ZNF69: variants seen among roughly 807,000 people sequenced by gnomAD.
ZNF69 encodes ZNF3.
Under a neutral mutation model 50.9 loss-of-function variants are expected in ZNF69, and 47 were observed. The ratio of observed to expected loss-of-function variants is 0.92; its 90% CI spans 0.73 to 1.18. The LOEUF (loss-of-function observed/expected upper bound fraction) is 1.18. ZNF69 is among the 50% of genes most tolerant of loss of function. ZNF69 has a pLI of 0.00. For synonymous variants in ZNF69, 216 were observed against 223.1 expected, an observed-to-expected ratio of 0.97 and a Z score of 0.29; for missense variants, 717 against 675.1, an observed-to-expected ratio of 1.06 and a Z score of -0.69.
chr19:11,941,400 A>G, the ZNF69 span, among the ~76,000 whole-genome samples: 1 of 152,164 alleles, frequency 6.6e-6, no homozygotes, highest in Non-Finnish European at 1.5e-5. Flanking sequence ...AGGAGGTGGG[A>G]GACTCAGGCA....
chr19:11,919,846 A>G, the ZNF69 span, among the ~76,000 whole-genome samples: 1 of 152,172 alleles, frequency 6.6e-6, no homozygotes, highest in African/African-American at 2.4e-5. Context: ...CAGAACTGTG[A>G]GAAAAAAATT....
chr19:11,974,803 A>G, the ZNF69 span, among the ~76,000 whole-genome samples: 79 of 152,182 alleles, frequency 5.2e-4, no homozygotes, highest in East Asian at 8.7e-3. Context: ...GAGTTACACC[A>G]TGTTGGCCAG....
chr19:11,925,799 T>G, the ZNF69 span, among the ~76,000 whole-genome samples: 11 of 152,198 alleles, frequency 7.2e-5, no homozygotes, highest in African/African-American at 1.2e-4. Context: ...ATAAAGAAGT[T>G]TATTCAGAGC....
At chr19:11,960,983 A>T in the ZNF69 span, among the ~76,000 whole-genome samples, 18 of 152,224 alleles carry the variant, frequency 1.2e-4, no homozygotes, top group South Asian at 3.5e-3. Context: ...CTCTCCTCGA[A>T]ATATATACTT....
downstream of ZNF69, among the ~76,000 whole-genome samples, chr19:11,909,075 A>T (rs1016078345): frequency 1.3e-5 from 2 of 152,238 alleles, no homozygotes; most frequent in Non-Finnish European, 1.5e-5. Context: ...AATCTAGAAG[A>T]AATGGATAAA....
the ZNF69 span, among the ~76,000 whole-genome samples, chr19:11,969,798 A>G: frequency 6.6e-6 from 1 of 152,164 alleles, no homozygotes; most frequent in Admixed American, 6.5e-5. Context: ...TGCCTGAAAA[A>G]TCCTTTCTGC....
chr19:11,912,030 G>A (rs1972465783), intron 4 of ZNF69, among the ~76,000 whole-genome samples: 1 of 152,118 alleles, frequency 6.6e-6, no homozygotes, highest in African/African-American at 2.4e-5. Context: ...GAAACCCTAT[G>A]AGTGTAAGCA....
chr19:11,925,821 G>C, the ZNF69 span, among the ~76,000 whole-genome samples: 2 of 152,022 alleles, frequency 1.3e-5, no homozygotes, highest in Admixed American at 1.3e-4. Flanking sequence ...GAATAGGAGA[G>C]ACCTTGGCCG....
chr19:11,963,088 A>AGAGT, the ZNF69 span, among the ~76,000 whole-genome samples: 2 of 138,248 alleles, frequency 1.4e-5, no homozygotes, highest in East Asian at 2.0e-4. Context: ...AGAGAGAGAG[A>AGAGT]GTGTGTGTGT....
the ZNF69 span, among the ~76,000 whole-genome samples, chr19:11,962,482 TC>T: frequency 6.6e-6 from 1 of 152,114 alleles, no homozygotes; most frequent in African/African-American, 2.4e-5. Context: ...TGCCTTAGCC[TC>T]CCAAGTAGCT....
the ZNF69 span, among the ~76,000 whole-genome samples, chr19:11,925,825 T>G: frequency 6.6e-6 from 1 of 152,006 alleles, no homozygotes; most frequent in Admixed American, 6.5e-5. Context: ...AGGAGAGACC[T>G]TGGCCGAGGG....
chr19:11,907,853 C>G (rs1972402187), downstream of ZNF69, among the ~76,000 whole-genome samples: 2 of 152,130 alleles, frequency 1.3e-5, no homozygotes, highest in Non-Finnish European at 1.5e-5. Context: ...GGGCTAAATG[C>G]TCCAATTAAA....
At chr19:11,932,221 G>A in the ZNF69 span, among the ~76,000 whole-genome samples, 1 of 148,082 alleles carries the variant, frequency 6.8e-6, no homozygotes, top group Non-Finnish European at 1.5e-5. Context: ...ATGTGCGCCT[G>A]TAGACCCAGC....
At chr19:11,946,493 C>G in the ZNF69 span, among the ~76,000 whole-genome samples, 3 of 152,336 alleles carry the variant, frequency 2.0e-5, no homozygotes, top group East Asian at 3.9e-4. Context: ...GCCACTAACA[C>G]TGCTGCTGCC....
chr19:11,954,009 G>A, the ZNF69 span, among the ~76,000 whole-genome samples: 1 of 152,138 alleles, frequency 6.6e-6, no homozygotes, highest in Admixed American at 6.5e-5. Flanking sequence ...TTTTACGTAT[G>A]CATGTTTTAC....
At chr19:11,916,524 A>G (rs894771495), downstream of ZNF69, among the ~76,000 whole-genome samples, 2 of 152,238 alleles carry the variant, frequency 1.3e-5, no homozygotes, top group Non-Finnish European at 2.9e-5. Flanking sequence ...CTGAGGCATG[A>G]GAATCACTTG....
chr19:11,908,777 C>G (rs964642220), downstream of ZNF69, among the ~76,000 whole-genome samples: 6 of 152,050 alleles, frequency 3.9e-5, no homozygotes, highest in African/African-American at 1.4e-4. Context: ...GAGGCAAGAG[C>G]AAACACATTC....
At chr19:11,947,429 T>A in the ZNF69 span, 11 of 1,600,134 alleles carry the variant, frequency 6.9e-6, no homozygotes, top group Non-Finnish European at 9.4e-6. Context: ...GAGGCATGGC[T>A]GCAGTAAATC....
the ZNF69 span, among the ~76,000 whole-genome samples, chr19:11,924,528 G>C: frequency 1.3e-5 from 2 of 152,158 alleles, no homozygotes; most frequent in African/African-American, 4.8e-5. Context: ...CCTGGATAAA[G>C]GGTTCATGAA....
Sources: gnomAD v4.1 joint callset for allele counts (sites outside exome capture counted in the v4.1 genomes callset) on GRCh38, gnomAD v4.1.1 for gene constraint, MANE v1.5 for transcripts, NCBI Gene and HGNC (gene_info 2026-07-23, HGNC 2026-07-21) for gene names.